Variants in GAS7 observed in about 807,000 individuals in gnomAD.
The protein encoded by GAS7 is growth arrest-specific protein 7.
A neutral mutation model predicts 71.1 loss-of-function variants in GAS7; 28 were observed. The observed-to-expected ratio is 0.39, with a 90% CI of 0.29 to 0.54. GAS7 has a LOEUF of 0.54. Among genes scored for constraint, GAS7 ranks in the 20% least tolerant of loss-of-function variants. GAS7 has a pLI of 0.62. For synonymous variants in GAS7, 258 were observed against 245.8 expected (o/e 1.05, Z -0.46); for missense variants, 436 against 627.8 (o/e 0.69, Z 3.27).
intron 2 of GAS7, among the ~76,000 whole-genome samples, chr17:9,987,667 G>A (rs1448319763): frequency 6.6e-6 from 1 of 152,272 alleles, no homozygotes; most frequent in Non-Finnish European, 1.5e-5. Flanking sequence ...TAAAGTGAGA[G>A]ACCAGTTGAA....
chr17:10,004,897 C>G (rs1204168824), intron 2 of GAS7, among the ~76,000 whole-genome samples: 1 of 152,154 alleles, frequency 6.6e-6, no homozygotes, highest in African/African-American at 2.4e-5. Flanking sequence ...GTAATCCCAA[C>G]TACTCAGGAG....
intron 1 of GAS7, among the ~76,000 whole-genome samples, chr17:10,193,204 T>A (rs2074515331): frequency 6.9e-6 from 1 of 145,776 alleles, no homozygotes; most frequent in East Asian, 2.0e-4. Flanking sequence ...CAAATCTGAT[T>A]TCAAATTCCA....
intron 1 of GAS7, among the ~76,000 whole-genome samples, chr17:10,021,493 G>A (rs1402111039): frequency 6.6e-6 from 1 of 152,228 alleles, no homozygotes; most frequent in Non-Finnish European, 1.5e-5. Flanking sequence ...CGTAGCTGCG[G>A]TGTAAGTTTC....
chr17:9,985,963 C>A (rs920145408), intron 2 of GAS7, among the ~76,000 whole-genome samples: 12 of 152,220 alleles, frequency 7.9e-5, no homozygotes, highest in Non-Finnish European at 1.6e-4. Context: ...AGAACCTGAC[C>A]TAAGTCCTGC....
intron 1 of GAS7, among the ~76,000 whole-genome samples, chr17:10,104,500 A>G (rs1417306845): frequency 3.3e-5 from 5 of 152,104 alleles, no homozygotes; most frequent in African/African-American, 1.2e-4. Flanking sequence ...CTCTAAATTA[A>G]TATCTCTAGC....
chr17:10,029,245 T>C (rs1263028826), intron 1 of GAS7, among the ~76,000 whole-genome samples: 2 of 152,176 alleles, frequency 1.3e-5, no homozygotes, highest in South Asian at 2.1e-4. Flanking sequence ...ACGACCTTCA[T>C]TGTACTTCAA....
Position 9,926,712 on chromosome 17 carries a change from T to G in GAS7, c.943A>C (p.Met315Leu). The part of the protein sequence containing the change: ...MNFRENFKKD[M>L]KKCDHHIADL... The stretch of plus-strand genomic sequence containing the variant: ...GCAATGTGGTGGTCGCACTTCTTCA[T>G]GTCTTTCTTGAAGTTCTCACGGAAG... The change falls in exon 10 of 14, where the codon ATG becomes CTG. Residue 315 changes from methionine to leucine, a missense_variant. Coordinates refer to ENST00000432992, the MANE Select transcript of GAS7 (RefSeq NM_201433.2). The surrounding 1 kb of genome is among the most constrained non-coding windows in gnomAD (Gnocchi z 5.0). 5.6e-6 allele frequency: 9 copies of G among 1,613,838 alleles called. No homozygotes were observed. The highest frequency in any genetic ancestry group is 6.8e-6 in the Non-Finnish European group (8 of 1,179,848).
At chr17:10,127,349 A>T (rs1426016259) in intron 1 of GAS7, among the ~76,000 whole-genome samples, 2 of 152,140 alleles carry the variant, frequency 1.3e-5, no homozygotes, top group African/African-American at 4.8e-5. Context: ...CCTGCTGTGT[A>T]AAGATGAACC....
At chr17:10,139,807 A>T (rs558863647) in intron 1 of GAS7, among the ~76,000 whole-genome samples, 16 of 152,240 alleles carry the variant, frequency 1.1e-4, no homozygotes, top group Non-Finnish European at 2.2e-4. Flanking sequence ...ATTGTTGCTG[A>T]TCTGCTGACT....
intron 2 of GAS7, among the ~76,000 whole-genome samples, chr17:9,985,298 C>T (rs1445357748): frequency 6.6e-6 from 1 of 152,330 alleles, no homozygotes; most frequent in East Asian, 1.9e-4. Context: ...CAACATGGCA[C>T]ACGGAATCAA....
intron 1 of GAS7, chr17:10,027,032 C>T (rs1461295276): frequency 6.6e-6 from 1 of 152,136 alleles, no homozygotes; most frequent in East Asian, 1.9e-4. Flanking sequence ...AGTAGTTATG[C>T]AGGAGACAGG....
chr17:10,108,823 A>AATTTTTGTATCTCTCACC (rs1409260393), intron 1 of GAS7, among the ~76,000 whole-genome samples: 1 of 152,226 alleles, frequency 6.6e-6, no homozygotes, highest in Non-Finnish European at 1.5e-5. Flanking sequence ...ACCATATACA[A>AATTTTTGTATCTCTCACC]AAATCAACTC....
intron 9 of GAS7, among the ~76,000 whole-genome samples, chr17:9,931,577 A>G (rs11078823): frequency 0.6 from 91,241 of 152,168 alleles, 28,335 homozygotes; most frequent in African/African-American, 0.76. Flanking sequence ...GGAGGCCTTG[A>G]GGGGAAAGCT....
chr17:10,055,808 T>C (rs143774559), intron 1 of GAS7, among the ~76,000 whole-genome samples: 1 of 152,328 alleles, frequency 6.6e-6, no homozygotes, highest in African/African-American at 2.4e-5. Flanking sequence ...GCTCTGGTTT[T>C]TGTGCAGGTT....
At chr17:9,997,734 A>G (rs2152155714) in intron 2 of GAS7, among the ~76,000 whole-genome samples, 1 of 152,382 alleles carries the variant, frequency 6.6e-6, no homozygotes, top group South Asian at 2.1e-4. Flanking sequence ...TAGGCTATAA[A>G]TCAGGGATTC....
intron 1 of GAS7, among the ~76,000 whole-genome samples, chr17:10,157,137 C>G (rs2074211455): frequency 6.6e-6 from 1 of 152,098 alleles, no homozygotes; most frequent in African/African-American, 2.4e-5. Context: ...TGCCCAGTCA[C>G]AGGATTTGAC....
intron 3 of GAS7, among the ~76,000 whole-genome samples, chr17:9,980,846 G>A (rs574628312): frequency 6.6e-6 from 1 of 152,266 alleles, no homozygotes; most frequent in African/African-American, 2.4e-5. Flanking sequence ...GAGTGGTCAG[G>A]GAAGGCTTCT....
At chr17:9,976,800 T>C (rs1019771811) in intron 3 of GAS7, among the ~76,000 whole-genome samples, 2 of 152,114 alleles carry the variant, frequency 1.3e-5, no homozygotes, top group African/African-American at 4.8e-5. Context: ...CAAAAAATAA[T>C]AGATTTCTTT....
At position 9,919,764 on chromosome 17, in the gene GAS7, C is replaced by T. The variant is rs1453479513; in HGVS notation, c.1139-59G>A. The T allele has an allele frequency of 3.1e-6, 4 of 1,278,292 alleles. No individual in the cohort carries two copies. Among genetic ancestry groups the T allele is most frequent in the Non-Finnish European group, 4.6e-6 (4 of 875,078 alleles). 79.2% of individuals were successfully genotyped at this position (1,278,292 alleles called of 1,614,324 possible). On this transcript the variant is annotated intron_variant, in intron 11 of 13. Transcript: ENST00000432992. This position sits in a 1 kb window ranked among gnomAD's most constrained non-coding sequence, Gnocchi z 5.0. ...TCCTATCCTCACCATGACTCTGTGC[C>T]CCACCCTGAGCCCCACAGCCAAGCC... is the stretch of plus-strand genomic sequence containing the variant.
Sources: gnomAD v4.1 joint callset for allele counts (sites outside exome capture counted in the v4.1 genomes callset) on GRCh38, gnomAD v4.1.1 for gene constraint, Gnocchi (gnomAD v3.1) non-coding constraint, MANE v1.5 for transcripts, NCBI Gene and HGNC (gene_info 2026-07-23, HGNC 2026-07-21) for gene names.